Variants in CHST9 observed in about 807,000 individuals in gnomAD.
The protein encoded by CHST9 is carbohydrate sulfotransferase 9.
In CHST9, 41 loss-of-function variants were observed where a neutral mutation model predicts 44.4. The observed-to-expected ratio is 0.92, with a 90% CI of 0.72 to 1.20. The LOEUF is 1.20. Among genes scored for constraint, CHST9 ranks in the 50% most tolerant of loss-of-function variants. The pLI, the probability that CHST9 is intolerant of heterozygous loss-of-function variation, is 0.00. For missense variants in CHST9, 504 were observed against 516.5 expected (o/e 0.98, Z 0.23); for synonymous variants, 171 against 178.4 (o/e 0.96, Z 0.33).
intron 1 of CHST9, among the ~76,000 whole-genome samples, chr18:27,179,096 C>CTA (rs1363110320): frequency 1.5e-5 from 2 of 129,548 alleles, no homozygotes; most frequent in African/African-American, 6.5e-5. Flanking sequence ...CTCTCTCTCT[C>CTA]TCTCTCTCTA....
chr18:27,048,753 C>T (rs923668529), intron 2 of CHST9, among the ~76,000 whole-genome samples: 2 of 152,072 alleles, frequency 1.3e-5, no homozygotes, highest in African/African-American at 4.8e-5. Flanking sequence ...TAGCCAGAGT[C>T]GTTTACTCAA....
intron 2 of CHST9, among the ~76,000 whole-genome samples, chr18:27,056,362 T>C (rs568917708): frequency 9.2e-5 from 14 of 152,208 alleles, no homozygotes; most frequent in Non-Finnish European, 1.9e-4. Flanking sequence ...AGAACTGGAA[T>C]ATGAATCCAG....
chr18:27,149,697 ATTTAT>A (rs1457152619), intron 1 of CHST9, among the ~76,000 whole-genome samples: 1 of 150,592 alleles, frequency 6.6e-6, no homozygotes, highest in Non-Finnish European at 1.5e-5. Context: ...CTGCTCTGCC[ATTTAT>A]TTTAAAACAT....
intron 3 of CHST9, among the ~76,000 whole-genome samples, chr18:27,042,937 A>G (rs898249496): frequency 6.6e-6 from 1 of 151,818 alleles, no homozygotes; most frequent in African/African-American, 2.4e-5. Flanking sequence ...TTCCTCCAGC[A>G]TAATTTCTCT....
chr18:26,952,583 A>C, intron 4 of CHST9: 1 of 364,398 alleles, frequency 2.7e-6, no homozygotes, highest in Non-Finnish European at 5.2e-6. Flanking sequence ...ATAGGCTCTA[A>C]CGTGTGAAAT....
intron 2 of CHST9, among the ~76,000 whole-genome samples, chr18:27,140,794 A>C (rs2058558080): frequency 6.6e-6 from 1 of 152,224 alleles, no homozygotes; most frequent in Admixed American, 6.5e-5. Context: ...AGGTGGTTTC[A>C]TTAAATATGA....
intron 1 of CHST9, among the ~76,000 whole-genome samples, chr18:27,182,726 GTGAATC>G (rs1370385852): frequency 6.6e-6 from 1 of 152,194 alleles, no homozygotes; most frequent in African/African-American, 2.4e-5. Context: ...AACAAAGAGT[GTGAATC>G]TATCTGCTGA....
At chr18:27,122,312 T>C (rs1413182601) in intron 2 of CHST9, among the ~76,000 whole-genome samples, 1 of 152,246 alleles carries the variant, frequency 6.6e-6, no homozygotes, top group Admixed American at 6.5e-5. Context: ...ATAAAAATGC[T>C]GTTCTTACAA....
chr18:27,064,944 T>G (rs1265081974), intron 2 of CHST9, among the ~76,000 whole-genome samples: 1 of 152,162 alleles, frequency 6.6e-6, no homozygotes, highest in African/African-American at 2.4e-5. Context: ...GGGATCTGTA[T>G]CCCCTGGCAA....
At chr18:27,022,268 A>G (rs187106063) in intron 4 of CHST9, among the ~76,000 whole-genome samples, 1 of 152,112 alleles carries the variant, frequency 6.6e-6, no homozygotes, top group Non-Finnish European at 1.5e-5. Context: ...AGAAAATGGG[A>G]GCTTTCAGGC....
intron 1 of CHST9, among the ~76,000 whole-genome samples, chr18:27,155,925 A>C (rs1386465195): frequency 2.0e-5 from 3 of 152,256 alleles, no homozygotes; most frequent in Non-Finnish European, 4.4e-5. Flanking sequence ...TATATGTTAG[A>C]AGCTTGGGGG....
chr18:27,018,564 G>A (rs974125836), intron 4 of CHST9, among the ~76,000 whole-genome samples: 1 of 152,144 alleles, frequency 6.6e-6, no homozygotes, highest in Admixed American at 6.5e-5. Flanking sequence ...AGTAGATAAG[G>A]CTGGCAAACA....
intron 2 of CHST9, among the ~76,000 whole-genome samples, chr18:27,123,941 T>C (rs948469721): frequency 1.4e-4 from 22 of 152,200 alleles, no homozygotes; most frequent in African/African-American, 3.6e-4. Context: ...GTGACTTTCA[T>C]GAATATTTGG....
intron 2 of CHST9, among the ~76,000 whole-genome samples, chr18:27,102,001 T>G (rs185399322): frequency 3.0e-4 from 45 of 152,334 alleles, no homozygotes; most frequent in African/African-American, 1.1e-3. Flanking sequence ...AAAACTTTGC[T>G]GAAAGGCACA....
intron 2 of CHST9, among the ~76,000 whole-genome samples, chr18:27,055,553 T>C (rs1156575804): frequency 2.6e-5 from 4 of 152,186 alleles, no homozygotes; most frequent in Admixed American, 1.3e-4. Context: ...GTCACCACTA[T>C]TGCCATGTTT....
intron 4 of CHST9, among the ~76,000 whole-genome samples, chr18:26,974,403 T>C (rs367618401): frequency 1.3e-5 from 2 of 152,168 alleles, no homozygotes; most frequent in Non-Finnish European, 2.9e-5. Flanking sequence ...GGTGGAAGTA[T>C]GAAAAATGTG....
intron 1 of CHST9, among the ~76,000 whole-genome samples, chr18:27,156,900 A>G (rs1268800461): frequency 6.6e-6 from 1 of 152,140 alleles, no homozygotes; most frequent in Non-Finnish European, 1.5e-5. Flanking sequence ...GGCATTGCTC[A>G]ATATTAAACA....
At chr18:27,013,873 A>G (rs2057114960) in intron 4 of CHST9, among the ~76,000 whole-genome samples, 1 of 152,214 alleles carries the variant, frequency 6.6e-6, no homozygotes, top group Non-Finnish European at 1.5e-5. Flanking sequence ...ATTTGAATTT[A>G]ATAAATTGAT....
chr18:27,057,941 T>C (rs191856321), intron 2 of CHST9, among the ~76,000 whole-genome samples: 1 of 152,354 alleles, frequency 6.6e-6, no homozygotes, highest in East Asian at 1.9e-4. Context: ...ACGTAATTAA[T>C]GTGACAAACA....
Sources: gnomAD v4.1 joint callset for allele counts (sites outside exome capture counted in the v4.1 genomes callset) on GRCh38, gnomAD v4.1.1 for gene constraint, MANE v1.5 for transcripts, NCBI Gene and HGNC (gene_info 2026-07-23, HGNC 2026-07-21) for gene names.